LITAF: variants seen among roughly 807,000 people sequenced by gnomAD.
The protein encoded by LITAF is lipopolysaccharide-induced tumor necrosis factor-alpha factor.
LITAF carries 9 observed loss-of-function variants against 14.5 expected under a neutral mutation model. That is an observed-to-expected ratio of 0.62 (90% CI 0.37 to 1.08). The LOEUF is 1.08. LITAF is among the 50% of genes least tolerant of loss of function. The pLI is 0.01. For synonymous variants in LITAF, 98 were observed against 88.2 expected (o/e 1.11, Z -0.62); for missense variants, 206 against 213.4 (o/e 0.97, Z 0.22).
intron 1 of LITAF, among the ~76,000 whole-genome samples, chr16:11,580,834 G>A (rs940485704): frequency 6.6e-6 from 1 of 151,822 alleles, no homozygotes; most frequent in African/African-American, 2.4e-5. Context: ...GCACTATCTC[G>A]GCTCACTGCA....
chr16:11,552,544 A>G (rs951257374), intron 3 of LITAF, among the ~76,000 whole-genome samples: 1 of 152,198 alleles, frequency 6.6e-6, no homozygotes, highest in Non-Finnish European at 1.5e-5. Flanking sequence ...TCTAGAAGAA[A>G]AAGGAATCCC....
rs11863622 is a variant in LITAF, at chr16:11,620,993, T to A, written c.85+12540A>T. Among the ~76,000 whole-genome samples the A allele has an allele frequency of 7.9e-3, 1,209 of 152,106 alleles. 17 individuals carry two copies. The highest frequency in any genetic ancestry group is 0.025 in the African/African-American group (1,043 of 41,464). Reference sequence around the variant, plus strand: ...TTACTGCAGCCTCAACTTTCTGGGCTCAGGTGATCCTGCCACCTCAGTCTC... The same window carrying A: ...TTACTGCAGCCTCAACTTTCTGGGCACAGGTGATCCTGCCACCTCAGTCTC... On this transcript the variant is annotated intron_variant, in intron 3 of 3. Transcript: ENST00000574848.
chr16:11,593,944 A>C (rs1030374816), intron 1 of LITAF, among the ~76,000 whole-genome samples: 2 of 152,154 alleles, frequency 1.3e-5, no homozygotes, highest in Non-Finnish European at 2.9e-5. Flanking sequence ...TGGGAGGCCA[A>C]GGCAGGCGAG....
At chr16:11,588,870 T>TCCTCCCTC (rs200122270), upstream of LITAF, among the ~76,000 whole-genome samples, 3,525 of 151,790 alleles carry the variant, frequency 0.023, 76 homozygotes, top group East Asian at 0.077. Context: ...CTTCCTTCCT[T>TCCTCCCTC]CCTTCCTCCC....
chr16:11,553,740 T>C lies in LITAF; in HGVS notation c.221-51A>G, dbSNP rs762833714. 2 of 1,596,584 alleles carry C rather than the reference T, an allele frequency of 1.3e-6. No homozygotes were observed. The highest frequency in any genetic ancestry group is 2.2e-5 in the East Asian group (1 of 44,772). On this transcript the variant is annotated intron_variant, in intron 2 of 3. Coordinates refer to ENST00000622633, the MANE Select transcript of LITAF (RefSeq NM_001136472.2). The surrounding 1 kb of genome is among the most constrained non-coding windows in gnomAD (Gnocchi z 7.7). Reference sequence around the variant, plus strand: ...CAGGTTGCTCAGGAAACAAGGCCAATAGCATTCACTACAGGACAAAGAGAG... The same window carrying C: ...CAGGTTGCTCAGGAAACAAGGCCAACAGCATTCACTACAGGACAAAGAGAG...
At chr16:11,615,803 C>T (rs118088397) in intron 3 of LITAF, among the ~76,000 whole-genome samples, 1,824 of 152,244 alleles carry the variant, frequency 0.012, 18 homozygotes, top group Non-Finnish European at 0.018. Flanking sequence ...GCCCTTGGAC[C>T]CTCCTCAGTG....
chr16:11,597,289 T>C (rs570722212), intron 1 of LITAF, among the ~76,000 whole-genome samples: 220 of 152,204 alleles, frequency 1.4e-3, no homozygotes, highest in African/African-American at 5.1e-3. Context: ...GAAACACACG[T>C]CTTCATAACA....
upstream of LITAF, among the ~76,000 whole-genome samples, chr16:11,639,880 T>C (rs1167419112): frequency 6.6e-6 from 1 of 152,024 alleles, no homozygotes; most frequent in Non-Finnish European, 1.5e-5. Context: ...GCTCAAGAGA[T>C]CCTACCCTCT....
intron 3 of LITAF, among the ~76,000 whole-genome samples, chr16:11,614,293 CT>C (rs1214586782): frequency 3.1e-5 from 4 of 129,652 alleles, no homozygotes; most frequent in African/African-American, 1.0e-4. Context: ...CTTTCTTTTT[CT>C]TTTCTTTTTT....
chr16:11,631,907 C>T (rs1013137239), intron 3 of LITAF, among the ~76,000 whole-genome samples: 1 of 148,010 alleles, frequency 6.8e-6, no homozygotes, highest in African/African-American at 2.5e-5. Context: ...TGGAGTGCAA[C>T]AGCACAATCT....
upstream of LITAF, among the ~76,000 whole-genome samples, chr16:11,592,173 G>C (rs1363502235): frequency 6.6e-6 from 1 of 152,204 alleles, no homozygotes; most frequent in Admixed American, 6.5e-5. Context: ...ACCCACAGAA[G>C]AGGAGAAAAT....
At chr16:11,628,085 C>T (rs2065095195) in intron 3 of LITAF, among the ~76,000 whole-genome samples, 1 of 150,076 alleles carries the variant, frequency 6.7e-6, no homozygotes, top group South Asian at 2.1e-4. Context: ...CTGCAGAACA[C>T]AAAGACACAT....
chr16:11,548,011 CAA>C lies in LITAF; in HGVS notation c.*1624_*1625del, dbSNP rs1567231706. On this transcript the variant is annotated 3_prime_UTR_variant, in exon 4 of 4. Coordinates refer to ENST00000622633, the MANE Select transcript of LITAF (RefSeq NM_001136472.2). The stretch of plus-strand genomic sequence containing the variant: ...CTCATAAATAGTTCACCGGGTGAAC[CAA>C]AGACTTTATTTTTCAAAAGCAGGTA... 2.2e-6 allele frequency: 1 copy of C among 454,042 alleles called. No homozygotes were observed. 28.1% of individuals were successfully genotyped at this position (454,042 alleles called of 1,614,324 possible). A position where few individuals can be genotyped will look rare whatever the true frequency, so the allele number is the denominator to read the frequency against.
At chr16:11,588,853 C>CTCCT (rs35954261), upstream of LITAF, among the ~76,000 whole-genome samples, 27,567 of 150,048 alleles carry the variant, frequency 0.18, 2,786 homozygotes, top group Non-Finnish European at 0.2. Flanking sequence ...CCAACCTTTT[C>CTCCT]TCCTTCCTTC....
intron 1 of LITAF, among the ~76,000 whole-genome samples, chr16:11,568,196 G>A (rs1597344250): frequency 6.6e-6 from 1 of 151,538 alleles, no homozygotes; most frequent in African/African-American, 2.4e-5. Flanking sequence ...GCTCAGTGGG[G>A]AGGATCACCT....
chr16:11,615,115 A>T (rs772949930), intron 3 of LITAF, among the ~76,000 whole-genome samples: 3 of 152,192 alleles, frequency 2.0e-5, no homozygotes, highest in Admixed American at 6.5e-5. Context: ...CTGGGGCTCT[A>T]GGAGAAAACG....
At chr16:11,565,233 C>T (rs2064432709) in intron 1 of LITAF, among the ~76,000 whole-genome samples, 1 of 151,808 alleles carries the variant, frequency 6.6e-6, no homozygotes, top group South Asian at 2.1e-4. Flanking sequence ...CAGGTGCCTG[C>T]CACCACACCC....
At chr16:11,571,629 G>A (rs2064542511) in intron 1 of LITAF, among the ~76,000 whole-genome samples, 1 of 152,096 alleles carries the variant, frequency 6.6e-6, no homozygotes, top group African/African-American at 2.4e-5. Flanking sequence ...GCATCTGTCT[G>A]CCCGCCCTGG....
chr16:11,570,119 A>C (rs1311887603), intron 1 of LITAF, among the ~76,000 whole-genome samples: 1 of 152,128 alleles, frequency 6.6e-6, no homozygotes, highest in Non-Finnish European at 1.5e-5. Flanking sequence ...CCTTGGTTCA[A>C]ATCCCAACTC....
Sources: gnomAD v4.1 joint callset for allele counts (sites outside exome capture counted in the v4.1 genomes callset) on GRCh38, gnomAD v4.1.1 for gene constraint, Gnocchi (gnomAD v3.1) non-coding constraint, MANE v1.5 for transcripts, NCBI Gene and HGNC (gene_info 2026-07-23, HGNC 2026-07-21) for gene names.